The following ASTN2 variants were observed in gnomAD, a reference collection of about 807,000 sequenced individuals.
ASTN2 encodes astrotactin-2.
A neutral mutation model predicts 139.8 loss-of-function variants in ASTN2; 54 were observed. That is an observed-to-expected ratio of 0.39 (90% confidence interval 0.31 to 0.48). ASTN2 has a LOEUF of 0.48. ASTN2 is among the 20% of genes least tolerant of loss of function. The pLI is 0.95. For synonymous variants in ASTN2, 756 were observed against 719.5 expected (o/e 1.05, Z -0.81); for missense variants, 1,565 against 1,725.1 (o/e 0.91, Z 1.64).
chr9:116,855,355 C>T (rs1019576982), intron 11 of ASTN2, among the ~76,000 whole-genome samples: 2 of 52,374 alleles, frequency 3.8e-5, no homozygotes, highest in Non-Finnish European at 8.2e-5. Context: ...CTTTTCATTT[C>T]CCAAACTTTG....
At chr9:117,075,150 CT>C (rs972950392) in intron 5 of ASTN2, among the ~76,000 whole-genome samples, 2 of 152,204 alleles carry the variant, frequency 1.3e-5, no homozygotes, top group Non-Finnish European at 2.9e-5. Flanking sequence ...GATCCCTGCC[CT>C]CCTATTTTTA....
chr9:117,168,726 A>G lies in ASTN2; in HGVS notation c.1016-27248T>C, dbSNP rs116269359. 4.7e-3 allele frequency among the ~76,000 whole-genome samples: 717 copies of G among 152,240 alleles called. 3 individuals are homozygous for G. The highest frequency in any genetic ancestry group is 0.016 in the African/African-American group (682 of 41,562). Reference sequence around the variant, plus strand: ...AACTTGTCAGATTATAACTCATAGTAAAAAATACGCATTTAATATTTCTAG... The same window carrying G: ...AACTTGTCAGATTATAACTCATAGTGAAAAATACGCATTTAATATTTCTAG... On this transcript the variant is annotated intron_variant, in intron 3 of 22. Coordinates refer to ENST00000313400, the MANE Select transcript of ASTN2 (RefSeq NM_001365068.1).
chr9:116,491,432 A>G (rs1014436640), intron 19 of ASTN2, among the ~76,000 whole-genome samples: 3 of 152,148 alleles, frequency 2.0e-5, no homozygotes, highest in African/African-American at 7.2e-5. Flanking sequence ...TTTGAAAATG[A>G]TAGTATTAGA....
intron 1 of ASTN2, among the ~76,000 whole-genome samples, chr9:117,321,690 C>T (rs1181834687): frequency 6.6e-6 from 1 of 152,152 alleles, no homozygotes; most frequent in African/African-American, 2.4e-5. Flanking sequence ...AGGTAACCAC[C>T]TTCTCTGCCA....
At chr9:116,494,692 G>A (rs1015581143) in intron 19 of ASTN2, among the ~76,000 whole-genome samples, 5 of 152,128 alleles carry the variant, frequency 3.3e-5, no homozygotes, top group East Asian at 3.8e-4. Flanking sequence ...CTTAAAATTC[G>A]ATAAAACCTA....
At chr9:117,095,422 C>T (rs533785060) in intron 5 of ASTN2, among the ~76,000 whole-genome samples, 2 of 152,310 alleles carry the variant, frequency 1.3e-5, no homozygotes, top group East Asian at 3.9e-4. Flanking sequence ...CATTGAGTGC[C>T]ATTGTGAGAA....
chr9:116,567,053 A>C (rs12375911), intron 19 of ASTN2, among the ~76,000 whole-genome samples: 1 of 152,142 alleles, frequency 6.6e-6, no homozygotes, highest in African/African-American at 2.4e-5. Flanking sequence ...CATATGAAGG[A>C]ACCAAGGCTG....
intron 1 of ASTN2, among the ~76,000 whole-genome samples, chr9:117,398,029 CATGT>C (rs1314695955): frequency 3.3e-5 from 5 of 152,216 alleles, no homozygotes; most frequent in African/African-American, 7.2e-5. Context: ...TATGTATCTG[CATGT>C]ATGTATGTAT....
chr9:117,264,342 G>A (rs148222973), intron 2 of ASTN2, among the ~76,000 whole-genome samples: 54 of 152,132 alleles, frequency 3.5e-4, no homozygotes, highest in Admixed American at 3.5e-3. Context: ...ATTCAGACAA[G>A]TCTGGATTCA....
At chr9:117,321,364 A>T (rs987896998) in intron 1 of ASTN2, among the ~76,000 whole-genome samples, 1 of 152,212 alleles carries the variant, frequency 6.6e-6, no homozygotes, top group Admixed American at 6.5e-5. Flanking sequence ...CTCAGATTTC[A>T]GGGCCTCTCT....
At chr9:116,509,169 C>T (rs946577909) in intron 19 of ASTN2, among the ~76,000 whole-genome samples, 3 of 152,128 alleles carry the variant, frequency 2.0e-5, no homozygotes, top group Admixed American at 2.0e-4. Context: ...TCCCCTCACC[C>T]CACGACAGGC....
intron 7 of ASTN2, among the ~76,000 whole-genome samples, chr9:116,978,086 T>C (rs1836404403): frequency 6.6e-6 from 1 of 152,204 alleles, no homozygotes; most frequent in Non-Finnish European, 1.5e-5. Context: ...TGCTTAAAGA[T>C]GCTGTACCAA....
chr9:117,051,709 G>T (rs1838917138), intron 5 of ASTN2, among the ~76,000 whole-genome samples: 1 of 152,234 alleles, frequency 6.6e-6, no homozygotes, highest in South Asian at 2.1e-4. Flanking sequence ...ACAGAGCCAG[G>T]AAAAACGGAG....
At chr9:116,632,221 G>GAAAGAAAGA (rs1856822282) in intron 17 of ASTN2, among the ~76,000 whole-genome samples, 2 of 113,592 alleles carry the variant, frequency 1.8e-5, no homozygotes, top group Admixed American at 1.8e-4. Context: ...AAGAAAGAAA[G>GAAAGAAAGA]AAAGAAAGAA....
intron 1 of ASTN2, among the ~76,000 whole-genome samples, chr9:117,355,554 A>G (rs912888898): frequency 2.0e-5 from 3 of 152,184 alleles, no homozygotes; most frequent in African/African-American, 7.2e-5. Flanking sequence ...CTTAGCTCCC[A>G]GGCAAAGGCA....
At chr9:116,565,994 G>A (rs1029767660) in intron 19 of ASTN2, among the ~76,000 whole-genome samples, 10 of 152,180 alleles carry the variant, frequency 6.6e-5, no homozygotes, top group Admixed American at 2.0e-4. Context: ...TTCTACATGT[G>A]TAAGCTCTGT....
At chr9:116,815,817 A>AAAAAAAAAAAAG (rs1564283212) in intron 12 of ASTN2, among the ~76,000 whole-genome samples, 1 of 137,704 alleles carries the variant, frequency 7.3e-6, no homozygotes, top group Non-Finnish European at 1.5e-5. Flanking sequence ...AAAAAAAAAA[A>AAAAAAAAAAAAG]AAAAAAAAAA....
chr9:116,551,429 G>A (rs12238214), intron 19 of ASTN2, among the ~76,000 whole-genome samples: 24,165 of 152,024 alleles, frequency 0.16, 2,090 homozygotes, highest in African/African-American at 0.21. Flanking sequence ...CATCTGGGCC[G>A]TATAGACTAG....
intron 5 of ASTN2, among the ~76,000 whole-genome samples, chr9:117,047,495 G>C (rs192678713): frequency 6.6e-6 from 1 of 152,090 alleles, no homozygotes; most frequent in African/African-American, 2.4e-5. Flanking sequence ...TAAGATCTAG[G>C]CAAGTGTTCA....
Sources: gnomAD v4.1 joint callset for allele counts (sites outside exome capture counted in the v4.1 genomes callset) on GRCh38, gnomAD v4.1.1 for gene constraint, MANE v1.5 for transcripts, NCBI Gene and HGNC (gene_info 2026-07-23, HGNC 2026-07-21) for gene names.